Variants in EXOC4 observed in about 807,000 individuals in gnomAD.
EXOC4 encodes SEC8-like 1.
EXOC4 carries 71 observed loss-of-function variants against 107.2 expected under a neutral mutation model. The ratio of observed to expected loss-of-function variants is 0.66; its 90% CI spans 0.55 to 0.81. EXOC4 has a LOEUF of 0.81. EXOC4 is among the 30% of genes least tolerant of loss of function. The pLI is 0.00. For synonymous variants in EXOC4, 456 were observed against 441.2 expected (o/e 1.03, Z -0.42); for missense variants, 1,108 against 1,189.6 (o/e 0.93, Z 1.01).
At chr7:133,263,754 T>G (rs1793642896) in intron 1 of EXOC4, among the ~76,000 whole-genome samples, 1 of 134,324 alleles carries the variant, frequency 7.4e-6, no homozygotes, top group Admixed American at 8.1e-5. Flanking sequence ...TGTTTACATA[T>G]GTATATGTTG....
chr7:133,561,459 C>T (rs1800802326), intron 9 of EXOC4, among the ~76,000 whole-genome samples: 1 of 152,168 alleles, frequency 6.6e-6, no homozygotes, highest in Admixed American at 6.5e-5. Flanking sequence ...GGCACTTATA[C>T]AGTGCGGAAA....
At chr7:133,882,957 C>G (rs769499443) in intron 11 of EXOC4, among the ~76,000 whole-genome samples, 11 of 152,128 alleles carry the variant, frequency 7.2e-5, no homozygotes, top group Admixed American at 2.0e-4. Flanking sequence ...GTGCGTAAAT[C>G]TTAAGCACAA....
At chr7:133,823,843 T>A (rs1349668672) in intron 11 of EXOC4, among the ~76,000 whole-genome samples, 1 of 18,718 alleles carries the variant, frequency 5.3e-5, no homozygotes, top group African/African-American at 4.5e-4. Context: ...TATATATATA[T>A]TATATATATA....
chr7:133,374,447 C>A (rs1344713219), intron 6 of EXOC4, among the ~76,000 whole-genome samples: 1 of 152,070 alleles, frequency 6.6e-6, no homozygotes, highest in African/African-American at 2.4e-5. Flanking sequence ...AACATCTGAG[C>A]TGTTGTCTGA....
At chr7:133,919,616 T>C (rs1291531469) in intron 13 of EXOC4, among the ~76,000 whole-genome samples, 1 of 152,204 alleles carries the variant, frequency 6.6e-6, no homozygotes, top group African/African-American at 2.4e-5. Context: ...CAGAATGTTA[T>C]ATACTTGAAA....
chr7:133,534,501 C>G (rs899528796), intron 9 of EXOC4, among the ~76,000 whole-genome samples: 2 of 152,140 alleles, frequency 1.3e-5, no homozygotes, highest in Non-Finnish European at 1.5e-5. Context: ...AATCACAGCT[C>G]TGTGTGTGTC....
At chr7:133,325,501 C>T (rs201205463) in intron 5 of EXOC4, among the ~76,000 whole-genome samples, 10 of 152,130 alleles carry the variant, frequency 6.6e-5, no homozygotes, top group Non-Finnish European at 1.0e-4. Context: ...AAATTCTGGG[C>T]TGAAAATTCT....
At chr7:133,643,200 G>A (rs1802902166) in intron 10 of EXOC4, among the ~76,000 whole-genome samples, 1 of 152,156 alleles carries the variant, frequency 6.6e-6, no homozygotes, top group Admixed American at 6.5e-5. Flanking sequence ...ATAGCCTGCA[G>A]GCTGGGGAGC....
chr7:134,093,752 G>T, the EXOC4 span, among the ~76,000 whole-genome samples: 1 of 152,088 alleles, frequency 6.6e-6, no homozygotes, highest in African/African-American at 2.4e-5. Flanking sequence ...AATAAAAATA[G>T]AAATCAATAC....
At chr7:133,412,278 G>GTTTT (rs35334259) in intron 7 of EXOC4, among the ~76,000 whole-genome samples, 23,571 of 71,308 alleles carry the variant, frequency 0.33, 7,278 homozygotes, top group Middle Eastern at 0.41. Context: ...TCAGAATTCA[G>GTTTT]TTTTTTTTTT....
At chr7:133,999,565 C>G (rs1436068689) in intron 15 of EXOC4, among the ~76,000 whole-genome samples, 1 of 152,106 alleles carries the variant, frequency 6.6e-6, no homozygotes, top group African/African-American at 2.4e-5. Context: ...TCTTTATTTA[C>G]AAGCGGACAG....
At chr7:133,521,476 G>A (rs369961219) in intron 9 of EXOC4, among the ~76,000 whole-genome samples, 1 of 152,108 alleles carries the variant, frequency 6.6e-6, no homozygotes, top group African/African-American at 2.4e-5. Flanking sequence ...ATTTATTTCT[G>A]TAGTCTTTGA....
At chr7:133,519,253 A>C (rs1799937729) in intron 9 of EXOC4, among the ~76,000 whole-genome samples, 1 of 152,026 alleles carries the variant, frequency 6.6e-6, no homozygotes, top group Non-Finnish European at 1.5e-5. Context: ...TGTCTCTATA[A>C]AAAATACAAA....
At chr7:134,051,686 A>C (rs1276152994) in intron 17 of EXOC4, among the ~76,000 whole-genome samples, 1 of 150,142 alleles carries the variant, frequency 6.7e-6, no homozygotes, top group Non-Finnish European at 1.5e-5. Flanking sequence ...AAAAAAAAAA[A>C]AAAAAACTTG....
intron 9 of EXOC4, among the ~76,000 whole-genome samples, chr7:133,490,349 A>G (rs1214367122): frequency 1.3e-5 from 2 of 152,226 alleles, no homozygotes; most frequent in Non-Finnish European, 2.9e-5. Flanking sequence ...GATACACACT[A>G]TCACGGAGTT....
intron 10 of EXOC4, among the ~76,000 whole-genome samples, chr7:133,756,612 CA>C (rs1257725295): frequency 6.6e-6 from 1 of 152,162 alleles, no homozygotes; most frequent in Non-Finnish European, 1.5e-5. Context: ...TGCACAAACA[CA>C]TATAATGTTT....
chr7:133,436,457 C>G (rs1182879097), intron 7 of EXOC4, among the ~76,000 whole-genome samples: 1 of 151,400 alleles, frequency 6.6e-6, no homozygotes, highest in Non-Finnish European at 1.5e-5. Flanking sequence ...TTCTCTTTTT[C>G]TCTTTTTTGT....
At chr7:133,378,658 G>C (rs571597261) in intron 7 of EXOC4, among the ~76,000 whole-genome samples, 64 of 152,176 alleles carry the variant, frequency 4.2e-4, no homozygotes, top group African/African-American at 1.5e-3. Context: ...ATAAGTTAAG[G>C]ATGCATATTT....
rs535704976 is a variant in EXOC4 at position 133,938,163 on chromosome 7, G to A, written c.2206+94G>A. 1.8e-4 allele frequency: 229 copies of A among 1,259,420 alleles called. No homozygotes were observed. In the African/African-American group the frequency reaches 3.0e-3, roughly 17 times the overall value. 78.0% of individuals were successfully genotyped at this position (1,259,420 alleles called of 1,614,324 possible). On this transcript the variant is annotated intron_variant, in intron 14 of 17. Transcript: ENST00000253861. ...TGAGAGTGTACACTGGTCACCGTAT[G>A]GGGGCGTGTCCCAAGCTGTCAGAAG...
Sources: gnomAD v4.1 joint callset for allele counts (sites outside exome capture counted in the v4.1 genomes callset) on GRCh38, gnomAD v4.1.1 for gene constraint, MANE v1.5 for transcripts, NCBI Gene and HGNC (gene_info 2026-07-23, HGNC 2026-07-21) for gene names.